EIF4EBP2: variants seen among roughly 807,000 people sequenced by gnomAD.
EIF4EBP2 encodes the protein eukaryotic translation initiation factor 4E binding protein 2, also known as eukaryotic translation initiation factor 4E-binding protein 2.
Under a neutral mutation model 10.3 loss-of-function variants are expected in EIF4EBP2, and 5 were observed. That is an observed-to-expected ratio of 0.48 (90% CI 0.25 to 1.02). The LOEUF is 1.02. Among genes scored for constraint, EIF4EBP2 ranks in the 50% least tolerant of loss-of-function variants. The pLI is 0.15. For missense variants in EIF4EBP2, 188 were observed against 162.2 expected (o/e 1.16, Z -0.86); for synonymous variants, 67 against 61.1 (o/e 1.10, Z -0.45).
chr10:70,416,172 A>T (rs924282613), intron 1 of EIF4EBP2, among the ~76,000 whole-genome samples: 1 of 152,256 alleles, frequency 6.6e-6, no homozygotes, highest in African/African-American at 2.4e-5. Flanking sequence ...GCAAATTAAG[A>T]TCAAACCACA....
At position 70,416,476 on chromosome 10, in the gene EIF4EBP2, G is replaced by A. The variant is rs1845096114; in HGVS notation, c.146-3438G>A. Among the ~76,000 whole-genome samples, 4 of 151,658 alleles carry A rather than the reference G, an allele frequency of 2.6e-5. No individual in the cohort carries two copies. In the South Asian group the frequency reaches 8.4e-4, roughly 32 times the overall value. ...CACCTGTAGTCCCAGGTACTTGGGA[G>A]GCTGAGGCAGGAGAATCGCTTGAAC... On this transcript the variant is annotated intron_variant, in intron 1 of 2. Transcript: ENST00000373218.
rs1845190392 is a variant in EIF4EBP2 at position 70,424,727 on chromosome 10, C to G, written c.*2980C>G. Reference sequence around the variant, plus strand: ...GACAATCGAGCTTAATGAGAAGTGACTTCCCTTCAAATTCCAACAGCAGAC... The same window carrying G: ...GACAATCGAGCTTAATGAGAAGTGAGTTCCCTTCAAATTCCAACAGCAGAC... On this transcript the variant is annotated 3_prime_UTR_variant, in exon 3 of 3. Transcript: ENST00000373218. 6.6e-6 allele frequency: 1 copy of G among 152,226 alleles called. No homozygotes were observed. The highest frequency in any genetic ancestry group is 6.5e-5 in the Admixed American group (1 of 15,284). 9.4% of individuals were successfully genotyped at this position (152,226 alleles called of 1,614,324 possible). A position where few individuals can be genotyped will look rare whatever the true frequency, so the allele number is the denominator to read the frequency against.
intron 1 of EIF4EBP2, among the ~76,000 whole-genome samples, chr10:70,410,979 G>A (rs895063043): frequency 6.6e-6 from 1 of 152,130 alleles, no homozygotes; most frequent in Non-Finnish European, 1.5e-5. Flanking sequence ...TGGTTTGTAT[G>A]TATGTATTTA....
rs771361985 is a variant in EIF4EBP2, at chr10:70,427,413, T to TA, written c.*5667dup. ...CTACCCCAGGGCCGCTTCCTGTTCC[T>TA]AGTCATGGTTTTCCAGTTTAGTAGT... On this transcript the variant is annotated 3_prime_UTR_variant, in exon 3 of 3. Transcript: ENST00000373218. 1.7e-4 allele frequency: 26 copies of TA among 152,218 alleles called. No individual in the cohort carries two copies. The highest frequency in any genetic ancestry group is 3.9e-4 in the Admixed American group (6 of 15,276). 9.4% of individuals were successfully genotyped at this position (152,218 alleles called of 1,614,324 possible).
chr10:70,421,961 A>T lies in EIF4EBP2; in HGVS notation c.*214A>T. The T allele has an allele frequency of 1.8e-6, 1 of 556,376 alleles. No homozygotes were observed. Among genetic ancestry groups the T allele is most frequent in the Non-Finnish European group, 3.2e-6 (1 of 310,740 alleles). 34.5% of individuals were successfully genotyped at this position (556,376 alleles called of 1,614,324 possible). On this transcript the variant is annotated 3_prime_UTR_variant, in exon 3 of 3. Transcript: ENST00000373218. ...CTGTCTCCTGTTCCCCTTCCCAGTTAAACAGGTTAGATTGAAGGCCCTTGC... is the reference window on the plus strand; with the variant it reads ...CTGTCTCCTGTTCCCCTTCCCAGTTTAACAGGTTAGATTGAAGGCCCTTGC...
intron 2 of EIF4EBP2, 76 bp downstream of exon 2, chr10:70,420,175 G>A (rs1194102594): frequency 7.1e-7 from 1 of 1,403,204 alleles, no homozygotes; most frequent in Non-Finnish European, 9.6e-7. Context: ...AGGTTGAGAA[G>A]CTATTGATTC....
At position 70,426,467 on chromosome 10, in the gene EIF4EBP2, G is replaced by C. The variant is rs2137235751; in HGVS notation, c.*4720G>C. The C allele has an allele frequency of 6.6e-6, 1 of 152,262 alleles. No individual in the cohort carries two copies. The highest frequency in any genetic ancestry group is 3.4e-3 in the Middle Eastern group (1 of 294). The allele number at this position is 152,262 out of a possible 1,614,324, so 9.4% of individuals were successfully genotyped here. A position where few individuals can be genotyped will look rare whatever the true frequency, so the allele number is the denominator to read the frequency against. On this transcript the variant is annotated 3_prime_UTR_variant, in exon 3 of 3. Coordinates refer to ENST00000373218, the MANE Select transcript of EIF4EBP2 (RefSeq NM_004096.5). ...TATTTCTATATTTTTAGTAGAGATGGGGTTTCATCATGTTTGCCAGGCTGG... is the reference window on the plus strand; with the variant it reads ...TATTTCTATATTTTTAGTAGAGATGCGGTTTCATCATGTTTGCCAGGCTGG...
Position 70,421,717 on chromosome 10 carries a change from G to A in EIF4EBP2, c.333G>A (p.Gly111=), listed in dbSNP as rs1257627134. The A allele has an allele frequency of 6.2e-7, 1 of 1,613,408 alleles. No homozygotes were observed. ...CTTCATTTTATTGGTCCTAACTAGG[G>A]GATGATGCTCAGTTCGAGATGGACA... ...LNNHDRKHAV[G]DDAQFEMDI Residue 111 remains glycine (G), a splice_region_variant and synonymous_variant, in exon 3 of 3, where the codon GGG becomes GGA. Coordinates refer to ENST00000373218, the MANE Select transcript of EIF4EBP2 (RefSeq NM_004096.5).
At chr10:70,414,555 A>T (rs1403611138) in intron 1 of EIF4EBP2, among the ~76,000 whole-genome samples, 1 of 152,216 alleles carries the variant, frequency 6.6e-6, no homozygotes, top group Non-Finnish European at 1.5e-5. Flanking sequence ...AGGTTGCAAG[A>T]TAAAAGAGCC....
chr10:70,414,743 C>G (rs990033761), intron 1 of EIF4EBP2, among the ~76,000 whole-genome samples: 1 of 151,938 alleles, frequency 6.6e-6, no homozygotes, highest in African/African-American at 2.4e-5. Context: ...TAGCGCATAC[C>G]TGTAATCCCA....
In EIF4EBP2 at chr10:70,421,037, C is replaced by G. The variant is rs564917093; in HGVS notation, c.332-679C>G. Among the ~76,000 whole-genome samples the G allele has an allele frequency of 2.6e-5, 4 of 152,224 alleles. No individual in the cohort carries two copies. In the East Asian group the frequency reaches 7.7e-4, roughly 29 times the overall value. ...GTCTCGATCTCCTGACCTCGTGATC[C>G]GCCCGCCTCAGCCTCCCAAAGTGCT... On this transcript the variant is annotated intron_variant, in intron 2 of 2. Transcript: ENST00000373218.
At chr10:70,406,558 C>T (rs1844965872) in intron 1 of EIF4EBP2, among the ~76,000 whole-genome samples, 2 of 150,772 alleles carry the variant, frequency 1.3e-5, no homozygotes, top group Admixed American at 1.3e-4. Context: ...GGAAGAGCCA[C>T]CTAGACACGT....
rs936379823 is a variant in EIF4EBP2 at position 70,426,671 on chromosome 10, A to G, written c.*4924A>G. ...TGCTTGAGAGTATACTTGGATAAGAAGTATTGCTGTTGAGGGAGCTATAAG... is the reference window on the plus strand; with the variant it reads ...TGCTTGAGAGTATACTTGGATAAGAGGTATTGCTGTTGAGGGAGCTATAAG... On this transcript the variant is annotated 3_prime_UTR_variant, in exon 3 of 3. Coordinates refer to ENST00000373218, the MANE Select transcript of EIF4EBP2 (RefSeq NM_004096.5). 3 of 152,258 alleles carry G rather than the reference A, an allele frequency of 2.0e-5. No homozygotes were observed. Among genetic ancestry groups the G allele is most frequent in the African/African-American group, 7.2e-5 (3 of 41,466 alleles). The allele number at this position is 152,258 out of a possible 1,614,324, so 9.4% of individuals were successfully genotyped here.
At position 70,414,739 on chromosome 10, in the gene EIF4EBP2, A is replaced by G. The variant is rs550796312; in HGVS notation, c.146-5175A>G. ...AAAAATTAGCTGGGCATGGTAGCGCATACCTGTAATCCCAGCTATTTGGGA... is the reference window on the plus strand; with the variant it reads ...AAAAATTAGCTGGGCATGGTAGCGCGTACCTGTAATCCCAGCTATTTGGGA... On this transcript the variant is annotated intron_variant, in intron 1 of 2. Coordinates refer to ENST00000373218, the MANE Select transcript of EIF4EBP2 (RefSeq NM_004096.5). Among the ~76,000 whole-genome samples the G allele has an allele frequency of 2.0e-5, 3 of 151,898 alleles. 1 individual carries two copies. The highest frequency in any genetic ancestry group is 7.2e-5 in the African/African-American group (3 of 41,414).
At chr10:70,414,430 G>A (rs1564661853) in intron 1 of EIF4EBP2, among the ~76,000 whole-genome samples, 1 of 152,036 alleles carries the variant, frequency 6.6e-6, no homozygotes, top group Non-Finnish European at 1.5e-5. Flanking sequence ...GCATTAAGAC[G>A]CTAGTTCTTC....
In EIF4EBP2 at chr10:70,425,201, C is replaced by T. The variant is rs545429860; in HGVS notation, c.*3454C>T. The stretch of plus-strand genomic sequence containing the variant: ...CATGAGTGTCCTCACACCATGACAC[C>T]TGGCTTCTCCCTGAGCAGCTGATTC... On this transcript the variant is annotated 3_prime_UTR_variant, in exon 3 of 3. Transcript: ENST00000373218. 6.6e-6 allele frequency: 1 copy of T among 152,342 alleles called. No individual in the cohort carries two copies. Among genetic ancestry groups the T allele is most frequent in the Non-Finnish European group, 1.5e-5 (1 of 68,046 alleles). 9.4% of individuals were successfully genotyped at this position (152,342 alleles called of 1,614,324 possible). A position where few individuals can be genotyped will look rare whatever the true frequency, so the allele number is the denominator to read the frequency against.
At chr10:70,413,635 A>ATCAGAGTTTGTAACATTTACG (rs1345338659) in intron 1 of EIF4EBP2, among the ~76,000 whole-genome samples, 3 of 150,182 alleles carry the variant, frequency 2.0e-5, no homozygotes, top group Non-Finnish European at 1.5e-5. Flanking sequence ...AAAAAAAGAA[A>ATCAGAGTTTGTAACATTTACG]TCAGAGTTTG....
At position 70,404,428 on chromosome 10, in the gene EIF4EBP2, C is replaced by G; in HGVS notation, c.27C>G (p.His9Gln). The G allele has an allele frequency of 6.3e-7, 1 of 1,591,348 alleles. No individual in the cohort carries two copies. The highest frequency in any genetic ancestry group is 8.5e-7 in the Non-Finnish European group (1 of 1,171,964). The change falls in exon 1 of 3, where the codon CAC becomes CAG. Residue 9 changes from histidine to glutamine, a missense_variant. His to Gln is a conservative substitution (Grantham distance 24). Coordinates refer to ENST00000373218, the MANE Select transcript of EIF4EBP2 (RefSeq NM_004096.5). MSSSAGSG[H>Q]QPSQSRAIPT... Reference sequence around the variant, plus strand: ...TGTCCTCGTCAGCCGGCAGCGGCCACCAGCCCAGCCAGAGCCGCGCCATCC... The same window carrying G: ...TGTCCTCGTCAGCCGGCAGCGGCCAGCAGCCCAGCCAGAGCCGCGCCATCC...
In EIF4EBP2 at chr10:70,425,945, C is replaced by G. The variant is rs1845202040; in HGVS notation, c.*4198C>G. On this transcript the variant is annotated 3_prime_UTR_variant, in exon 3 of 3. Coordinates refer to ENST00000373218, the MANE Select transcript of EIF4EBP2 (RefSeq NM_004096.5). ...CTGGTCTCTCCAGTCTCAACAGACT[C>G]AGGTCAGGTCTCTCACCCAGGAAGC... 6.6e-6 allele frequency: 1 copy of G among 152,222 alleles called. No homozygotes were observed. The highest frequency in any genetic ancestry group is 2.4e-5 in the African/African-American group (1 of 41,452). The allele number at this position is 152,222 out of a possible 1,614,324, so 9.4% of individuals were successfully genotyped here. A position where few individuals can be genotyped will look rare whatever the true frequency, so the allele number is the denominator to read the frequency against.
Sources: gnomAD v4.1 joint callset for allele counts (sites outside exome capture counted in the v4.1 genomes callset) on GRCh38, gnomAD v4.1.1 for gene constraint, MANE v1.5 for transcripts, NCBI Gene and HGNC (gene_info 2026-07-23, HGNC 2026-07-21) for gene names.